The following ZBTB25 variants were observed in gnomAD, a reference collection of about 807,000 sequenced individuals.
ZBTB25 encodes the protein zinc finger and BTB domain-containing protein 25.
Under a neutral mutation model 34.2 loss-of-function variants are expected in ZBTB25, and 20 were observed. That is an observed-to-expected ratio of 0.58 (90% CI 0.41 to 0.85). The LOEUF is 0.85. ZBTB25 is among the 40% of genes least tolerant of loss of function. ZBTB25 has a pLI of 0.00. For synonymous variants in ZBTB25, 175 were observed against 186.4 expected (o/e 0.94, Z 0.50); for missense variants, 437 against 521.8 (o/e 0.84, Z 1.58).
intron 2 of ZBTB25, among the ~76,000 whole-genome samples, chr14:64,452,220 G>A (rs935204730): frequency 2.0e-5 from 3 of 152,156 alleles, no homozygotes; most frequent in Admixed American, 6.5e-5. Flanking sequence ...TCTTGAACCC[G>A]GGAGGCGGAG....
At chr14:64,464,847 C>T (rs76178628) in intron 2 of ZBTB25, among the ~76,000 whole-genome samples, 1,705 of 151,802 alleles carry the variant, frequency 0.011, 23 homozygotes, top group South Asian at 0.068. Flanking sequence ...TCACCTTGTC[C>T]GCATAGAGAT....
intron 2 of ZBTB25, among the ~76,000 whole-genome samples, chr14:64,450,830 CCT>C (rs1203215825): frequency 1.3e-5 from 2 of 152,086 alleles, no homozygotes; most frequent in Non-Finnish European, 2.9e-5. Flanking sequence ...ACCTCAGCCC[CCT>C]GAGTAGGTGG....
rs2078813469 is a variant in ZBTB25, at chr14:64,483,143, C to G, written c.*3780G>C. On this transcript the variant is annotated 3_prime_UTR_variant, in exon 3 of 3. Transcript: ENST00000608382. ...AAATGTTTAGTATCTGCCTGATACA[C>G]ACGAAAGTGCATATGACATTTCCAG... 6.6e-6 allele frequency: 1 copy of G among 152,186 alleles called. No homozygotes were observed. The highest frequency in any genetic ancestry group is 2.4e-5 in the African/African-American group (1 of 41,452). The allele number at this position is 152,186 out of a possible 1,614,324, so 9.4% of individuals were successfully genotyped here. A position where few individuals can be genotyped will look rare whatever the true frequency, so the allele number is the denominator to read the frequency against.
At chr14:64,496,760 C>T (rs2079291538) in intron 1 of ZBTB25, among the ~76,000 whole-genome samples, 1 of 152,152 alleles carries the variant, frequency 6.6e-6, no homozygotes, top group Non-Finnish European at 1.5e-5. Context: ...GTTGTCATCT[C>T]TTGTTTTGGT....
chr14:64,488,300 A>G (rs1249119665), intron 2 of ZBTB25, among the ~76,000 whole-genome samples: 4 of 152,160 alleles, frequency 2.6e-5, no homozygotes, highest in African/African-American at 4.8e-5. Flanking sequence ...TACATTCTGA[A>G]TAGTTCAACA....
In ZBTB25 at chr14:64,483,658, T is replaced by C. The variant is rs1344518664; in HGVS notation, c.*3265A>G. The C allele has an allele frequency of 6.6e-6, 1 of 151,878 alleles. No individual in the cohort carries two copies. Among genetic ancestry groups the C allele is most frequent in the Non-Finnish European group, 1.5e-5 (1 of 67,980 alleles). The allele number at this position is 151,878 out of a possible 1,614,324, so 9.4% of individuals were successfully genotyped here. A position where few individuals can be genotyped will look rare whatever the true frequency, so the allele number is the denominator to read the frequency against. On this transcript the variant is annotated 3_prime_UTR_variant, in exon 3 of 3. Coordinates refer to ENST00000608382, the MANE Select transcript of ZBTB25 (RefSeq NM_006977.5). Reference sequence around the variant, plus strand: ...TTAAAAAATAATACTCAGGGCACAGTGTTAGGCATATGACAGTTACTTTAA... The same window carrying C: ...TTAAAAAATAATACTCAGGGCACAGCGTTAGGCATATGACAGTTACTTTAA...
intron 2 of ZBTB25, among the ~76,000 whole-genome samples, chr14:64,455,842 G>A (rs1218969339): frequency 1.3e-5 from 2 of 152,176 alleles, no homozygotes; most frequent in Admixed American, 1.3e-4. Context: ...CACACTGTAG[G>A]CAACATCATC....
In ZBTB25 at chr14:64,483,030, C is replaced by T. The variant is rs989534578; in HGVS notation, c.*3893G>A. 1.1e-4 allele frequency: 16 copies of T among 152,150 alleles called. No individual in the cohort carries two copies. The highest frequency in any genetic ancestry group is 2.4e-4 in the Non-Finnish European group (16 of 68,020). The allele number at this position is 152,150 out of a possible 1,614,324, so 9.4% of individuals were successfully genotyped here. A position where few individuals can be genotyped will look rare whatever the true frequency, so the allele number is the denominator to read the frequency against. On this transcript the variant is annotated 3_prime_UTR_variant, in exon 3 of 3. Transcript: ENST00000608382. ...AGTTCTGATGATACGCTAATAAGAA[C>T]AAATACTAAAACAGTCTCTATTTTT...
intron 2 of ZBTB25, among the ~76,000 whole-genome samples, chr14:64,456,259 CT>C (rs1215344020): frequency 2.0e-5 from 3 of 152,150 alleles, no homozygotes; most frequent in African/African-American, 7.2e-5. Context: ...AGGCTTTTAA[CT>C]TTAAGTTGGA....
At chr14:64,468,894 C>T in intron 2 of ZBTB25, 9 of 1,614,116 alleles carry the variant, frequency 5.6e-6, no homozygotes, top group Non-Finnish European at 7.6e-6. Flanking sequence ...CAAACACAGA[C>T]CCCATTGAAT....
intron 2 of ZBTB25, chr14:64,471,971 T>G (rs910067864): frequency 1.2e-5 from 2 of 166,426 alleles, no homozygotes; most frequent in Admixed American, 6.5e-5. Context: ...CAAGATTCTT[T>G]GCTGAAGTGC....
intron 2 of ZBTB25, chr14:64,469,366 A>G: frequency 6.2e-7 from 1 of 1,614,118 alleles, no homozygotes; most frequent in Non-Finnish European, 8.5e-7. Flanking sequence ...GGATCACTGA[A>G]GAGAAATCCA....
At chr14:64,504,925 G>C, upstream of ZBTB25, 1 of 395,908 alleles carries the variant, frequency 2.5e-6, no homozygotes, top group Non-Finnish European at 4.5e-6. Flanking sequence ...AATCTCCGCA[G>C]CTCTGGTTCC....
At chr14:64,471,624 G>A (rs1344176987) in intron 2 of ZBTB25, 1 of 167,046 alleles carries the variant, frequency 6.0e-6, no homozygotes, top group Admixed American at 6.5e-5. Context: ...ATACCAGAGT[G>A]CACTTCCCTA....
intron 1 of ZBTB25, chr14:64,503,119 T>A (rs1301535093): frequency 1.5e-5 from 15 of 985,342 alleles, no homozygotes; most frequent in Non-Finnish European, 1.8e-5. Context: ...GGTGATAAGA[T>A]GGGTCAAGCT....
In ZBTB25 at chr14:64,479,708, CTCT is replaced by C. The variant is rs1321804290; in HGVS notation, c.*7212_*7214del. ...CTTTGGACCCAAATGGAAACATCAG[CTCT>C]TCTTGAGTTTCAAGCCTGCCAGCTT... On this transcript the variant is annotated 3_prime_UTR_variant, in exon 3 of 3. Transcript: ENST00000608382. 2.6e-5 allele frequency: 4 copies of C among 152,192 alleles called. No homozygotes were observed. Among genetic ancestry groups the C allele is most frequent in the South Asian group, 2.1e-4 (1 of 4,834 alleles). The allele number at this position is 152,192 out of a possible 1,614,324, so 9.4% of individuals were successfully genotyped here. A position where few individuals can be genotyped will look rare whatever the true frequency, so the allele number is the denominator to read the frequency against.
At chr14:64,500,359 C>CA (rs1242105876) in intron 1 of ZBTB25, among the ~76,000 whole-genome samples, 1 of 149,098 alleles carries the variant, frequency 6.7e-6, no homozygotes, top group Admixed American at 6.7e-5. Context: ...AAAAATAAAA[C>CA]ATCCATGCAT....
At chr14:64,459,714 AGTGC>A (rs1412932142) in intron 2 of ZBTB25, 1 of 849,040 alleles carries the variant, frequency 1.2e-6, no homozygotes, top group South Asian at 1.9e-5. Context: ...GAAACATTTC[AGTGC>A]TTGCTTAGAG....
rs1055121244 is a variant in ZBTB25, at chr14:64,480,889, C to T, written c.*6034G>A. ...TCTCCTAACTTCATAATCCGCCCGC[C>T]TTGGCCTCCCAAAGTGCTGGGATTA... On this transcript the variant is annotated 3_prime_UTR_variant, in exon 3 of 3. Transcript: ENST00000608382. 2 of 151,858 alleles carry T rather than the reference C, an allele frequency of 1.3e-5. No individual in the cohort carries two copies. The highest frequency in any genetic ancestry group is 2.4e-5 in the African/African-American group (1 of 41,278). 9.4% of individuals were successfully genotyped at this position (151,858 alleles called of 1,614,324 possible). A position where few individuals can be genotyped will look rare whatever the true frequency, so the allele number is the denominator to read the frequency against.
Sources: gnomAD v4.1 joint callset for allele counts (sites outside exome capture counted in the v4.1 genomes callset) on GRCh38, gnomAD v4.1.1 for gene constraint, MANE v1.5 for transcripts, NCBI Gene and HGNC (gene_info 2026-07-23, HGNC 2026-07-21) for gene names.